CPAMD8: variants seen among roughly 807,000 people sequenced by gnomAD.
CPAMD8 encodes C3 and PZP-like alpha-2-macroglobulin domain-containing protein 8.
CPAMD8 carries 146 observed loss-of-function variants against 224.7 expected under a neutral mutation model. The observed-to-expected ratio is 0.65, with a 90% CI of 0.57 to 0.75. CPAMD8 has a LOEUF of 0.75. CPAMD8 is among the 30% of genes least tolerant of loss of function. The pLI, the probability that CPAMD8 is intolerant of heterozygous loss-of-function variation, is 0.00. For missense variants in CPAMD8, 2,301 were observed against 2,537.5 expected (o/e 0.91, Z 2.00); for synonymous variants, 966 against 1,044.6 (o/e 0.92, Z 1.45).
chr19:16,973,502 C>T (rs537896407), intron 17 of CPAMD8, among the ~76,000 whole-genome samples: 11 of 152,122 alleles, frequency 7.2e-5, no homozygotes, highest in African/African-American at 2.7e-4. Flanking sequence ...GCGCCCACCA[C>T]CACACCCAGA....
chr19:16,953,045 G>C (rs982888092), intron 19 of CPAMD8, among the ~76,000 whole-genome samples: 28 of 152,056 alleles, frequency 1.8e-4, no homozygotes, highest in Non-Finnish European at 3.1e-4. Context: ...GAATCAAATA[G>C]AGAGCCCAGG....
intron 21 of CPAMD8, among the ~76,000 whole-genome samples, chr19:16,946,410 G>T (rs2054089402): frequency 6.9e-6 from 1 of 144,788 alleles, no homozygotes; most frequent in African/African-American, 2.6e-5. Context: ...TACACATGTG[G>T]GCATGTGTGT....
chr19:16,925,270 A>G lies in CPAMD8; in HGVS notation c.3473T>C (p.Val1158Ala). 3 of 1,614,244 alleles carry G rather than the reference A, an allele frequency of 1.9e-6. No homozygotes were observed. Among genetic ancestry groups the G allele is most frequent in the Non-Finnish European group, 2.5e-6 (3 of 1,180,050 alleles). Residue 1158 changes from valine (V) to alanine (A), a missense_variant, in exon 26 of 42, where the codon GTC (valine) becomes GCC (alanine). By Grantham distance (64) the Val-to-Ala change is moderately conservative. Coordinates refer to ENST00000443236, the MANE Select transcript of CPAMD8 (RefSeq NM_015692.5). ...NMIHFAPNVFVLKYLQKTQQL... is the reference protein window; with the variant it reads ...NMIHFAPNVFALKYLQKTQQL... Reference sequence around the variant, plus strand: ...CTGGGTTTTCTGAAGATACTTCAAGACAAAGACGTTGGGTGCAAAGTGGAT... The same window carrying G: ...CTGGGTTTTCTGAAGATACTTCAAGGCAAAGACGTTGGGTGCAAAGTGGAT...
At chr19:16,928,888 G>T in intron 24 of CPAMD8, 54 bp downstream of exon 24, 1 of 1,419,190 alleles carries the variant, frequency 7.0e-7, no homozygotes, top group Non-Finnish European at 9.6e-7. Flanking sequence ...GAAGCAGCTA[G>T]TATTGGAGGA....
chr19:16,997,486 G>A lies in CPAMD8; in HGVS notation c.868-148C>T, dbSNP rs541143199. 9.3e-5 allele frequency: 60 copies of A among 647,476 alleles called. No homozygotes were observed. The South Asian group carries it at 1.1e-3, about 11-fold the overall frequency. 40.1% of individuals were successfully genotyped at this position (647,476 alleles called of 1,614,324 possible). A position where few individuals can be genotyped will look rare whatever the true frequency, so the allele number is the denominator to read the frequency against. ...GTGGCATACCCAATCTATGCCACGGGACCATGCAGAGGGTCCCTCACTGGA... is the reference window on the plus strand; with the variant it reads ...GTGGCATACCCAATCTATGCCACGGAACCATGCAGAGGGTCCCTCACTGGA... On this transcript the variant is annotated intron_variant, in intron 10 of 41. Transcript: ENST00000443236.
chr19:16,999,589 A>C (rs1281616144), intron 10 of CPAMD8, among the ~76,000 whole-genome samples: 1 of 135,166 alleles, frequency 7.4e-6, no homozygotes, highest in Non-Finnish European at 1.6e-5. Flanking sequence ...CATCTCCAAA[A>C]AAAAAAAAAA....
At chr19:16,902,059 G>T (rs190452604) in intron 35 of CPAMD8, among the ~76,000 whole-genome samples, 34 of 152,190 alleles carry the variant, frequency 2.2e-4, no homozygotes, top group Middle Eastern at 3.4e-3. Context: ...TAGGGTGAGG[G>T]CCCGCTGCGG....
intron 17 of CPAMD8, 33 bp downstream of exon 17, chr19:16,975,064 G>T (rs759010851): frequency 9.6e-5 from 154 of 1,597,034 alleles, no homozygotes; most frequent in Non-Finnish European, 1.3e-4. Flanking sequence ...AACTTAGAAG[G>T]GGGCAGAGGG....
At chr19:16,933,055 C>A (rs569599151) in intron 23 of CPAMD8, among the ~76,000 whole-genome samples, 1 of 152,078 alleles carries the variant, frequency 6.6e-6, no homozygotes, top group Admixed American at 6.5e-5. Flanking sequence ...GAGGCTGAGG[C>A]AGGAAGATCA....
chr19:16,935,432 A>G (rs773693673), intron 23 of CPAMD8, among the ~76,000 whole-genome samples: 11 of 152,124 alleles, frequency 7.2e-5, no homozygotes, highest in Non-Finnish European at 1.5e-4. Context: ...CCCTCTCCCT[A>G]ACCCCTGGCA....
At chr19:16,941,381 G>A (rs1180971436) in intron 22 of CPAMD8, among the ~76,000 whole-genome samples, 1 of 152,150 alleles carries the variant, frequency 6.6e-6, no homozygotes, top group Admixed American at 6.5e-5. Flanking sequence ...ATGCTGCACC[G>A]TGGATGAACC....
chr19:16,997,469 C>T (rs1362320269), intron 10 of CPAMD8, 131 bp from the exon 11 acceptor site: 3 of 662,544 alleles, frequency 4.5e-6, no homozygotes, highest in Admixed American at 2.1e-5. Context: ...TGGTGGCATA[C>T]CCAATCTATG....
chr19:16,975,039 T>C (rs1317770900), intron 17 of CPAMD8, 58 bp downstream of exon 17: 1 of 1,558,552 alleles, frequency 6.4e-7, no homozygotes, highest in Non-Finnish European at 8.7e-7. Context: ...AAGACTCTTA[T>C]TTCTAGGCAA....
chr19:17,002,017 T>C (rs3745341), intron 9 of CPAMD8, among the ~76,000 whole-genome samples: 33,795 of 140,948 alleles, frequency 0.24, 4,045 homozygotes, highest in African/African-American at 0.35. Context: ...AGGAGCCTGG[T>C]GGGGAGGGAG....
chr19:17,011,537 G>A (rs757741947), intron 4 of CPAMD8, 21 bp from the exon 5 acceptor site: 10 of 1,613,972 alleles, frequency 6.2e-6, no homozygotes, highest in African/African-American at 4.0e-5. Context: ...GAAGAGAGGC[G>A]TGTGACACCT....
At chr19:16,955,296 G>GA (rs57169828) in intron 19 of CPAMD8, among the ~76,000 whole-genome samples, 172 of 129,718 alleles carry the variant, frequency 1.3e-3, no homozygotes, top group East Asian at 2.7e-3. Context: ...TCCATCTCAA[G>GA]AAAAAAAAAA....
At chr19:16,987,174 AAAAAAATATATATAT>A (rs2055761274) in intron 13 of CPAMD8, among the ~76,000 whole-genome samples, 1 of 96,810 alleles carries the variant, frequency 1.0e-5, no homozygotes, top group East Asian at 3.0e-4. Flanking sequence ...AAAAAAAAAA[AAAAAAATATATATAT>A]ATATATATAT....
At chr19:16,918,418 TG>T (rs57899389) in intron 27 of CPAMD8, among the ~76,000 whole-genome samples, 74,722 of 150,690 alleles carry the variant, frequency 0.5, 20,196 homozygotes, top group Non-Finnish European at 0.6. Context: ...TTTTCGTTTT[TG>T]GAACTTTGTG....
At position 16,970,770 on chromosome 19, in the gene CPAMD8, A is replaced by C. The variant is rs377366435; in HGVS notation, c.2213+121T>G. On this transcript the variant is annotated intron_variant, in intron 18 of 41. Transcript: ENST00000443236. ...CCAAGAACCATGTGAAATAAATTTC[A>C]GTTGTTTATAAGCCACTCGGTCTAT... The C allele has an allele frequency of 1.3e-4, 113 of 892,548 alleles. No individual in the cohort carries two copies. The African/African-American group carries it at 1.7e-3, about 13-fold the overall frequency. 55.3% of individuals were successfully genotyped at this position (892,548 alleles called of 1,614,324 possible).
Sources: allele counts gnomAD v4.1 joint callset (sites outside exome capture counted in the v4.1 genomes callset), GRCh38; gene constraint gnomAD v4.1.1; transcripts MANE v1.5; gene names NCBI Gene and HGNC (gene_info 2026-07-23, HGNC 2026-07-21).